Variants in CNTNAP5 observed in about 807,000 individuals in gnomAD.
CNTNAP5 encodes the protein contactin-associated protein-like 5.
CNTNAP5 carries 72 observed loss-of-function variants against 150.2 expected under a neutral mutation model. The ratio of observed to expected loss-of-function variants is 0.48; its 90% CI spans 0.40 to 0.58. The LOEUF (loss-of-function observed/expected upper bound fraction) is 0.58, where lower values mean the gene tolerates loss of function less well. CNTNAP5 is among the 20% of genes least tolerant of loss of function. The pLI, the probability that CNTNAP5 is intolerant of heterozygous loss-of-function variation, is 0.00. For missense variants in CNTNAP5, 1,636 were observed against 1,626.2 expected, an observed-to-expected ratio of 1.01 and a Z score of -0.10; for synonymous variants, 672 against 619.8, an observed-to-expected ratio of 1.08 and a Z score of -1.25.
At chr2:124,496,527 T>C (rs1214316569) in intron 7 of CNTNAP5, among the ~76,000 whole-genome samples, 1 of 152,156 alleles carries the variant, frequency 6.6e-6, no homozygotes, top group Non-Finnish European at 1.5e-5. Context: ...TAGATGATGA[T>C]TAAAAACAAA....
At chr2:124,764,190 A>C in intron 16 of CNTNAP5, 43 bp downstream of exon 16, 2 of 1,539,936 alleles carry the variant, frequency 1.3e-6, no homozygotes, top group Admixed American at 1.7e-5. Context: ...TGATCAACAA[A>C]CAAGTTTTAG....
At position 124,788,282 on chromosome 2, in the gene CNTNAP5, C is replaced by T. The variant is rs1573617808; in HGVS notation, c.2753-1620C>T. Among the ~76,000 whole-genome samples, 3 of 152,270 alleles carry T rather than the reference C, an allele frequency of 2.0e-5. No individual in the cohort carries two copies. In the East Asian group the frequency reaches 5.8e-4, roughly 29 times the overall value. On this transcript the variant is annotated intron_variant, in intron 17 of 23. Coordinates refer to ENST00000682447, the MANE Select transcript of CNTNAP5 (RefSeq NM_001367498.1). ...CTGGATTTCTGATGGGAACAAAACACTCTGAAATATTAAATCTGCCTGATT... is the reference window on the plus strand; with the variant it reads ...CTGGATTTCTGATGGGAACAAAACATTCTGAAATATTAAATCTGCCTGATT...
At chr2:124,780,439 C>A (rs573084535) in intron 17 of CNTNAP5, among the ~76,000 whole-genome samples, 1 of 152,200 alleles carries the variant, frequency 6.6e-6, no homozygotes, top group African/African-American at 2.4e-5. Flanking sequence ...TGTCTCCACA[C>A]ACTAGTGTAC....
chr2:124,828,202 C>A (rs2104677580), intron 19 of CNTNAP5, among the ~76,000 whole-genome samples: 1 of 152,232 alleles, frequency 6.6e-6, no homozygotes, highest in Middle Eastern at 3.4e-3. Context: ...ATGGTATTGG[C>A]CAGACGCGTT....
At chr2:124,237,418 C>T (rs1158722226) in intron 2 of CNTNAP5, among the ~76,000 whole-genome samples, 2 of 152,194 alleles carry the variant, frequency 1.3e-5, no homozygotes, top group African/African-American at 2.4e-5. Flanking sequence ...TTCATGCTTA[C>T]AGCCTACCCT....
chr2:124,183,459 A>T (rs1003838511), intron 1 of CNTNAP5, among the ~76,000 whole-genome samples: 2 of 152,194 alleles, frequency 1.3e-5, no homozygotes, highest in Non-Finnish European at 2.9e-5. Flanking sequence ...AATGAGATGT[A>T]TATTCAATGT....
intron 1 of CNTNAP5, among the ~76,000 whole-genome samples, chr2:124,109,792 C>T (rs148078626): frequency 1.2e-3 from 186 of 152,210 alleles, no homozygotes; most frequent in African/African-American, 4.2e-3. Context: ...AACAGAGATA[C>T]CAGGAAGAAA....
chr2:124,533,444 G>T (rs376570535), intron 10 of CNTNAP5, among the ~76,000 whole-genome samples: 18 of 152,178 alleles, frequency 1.2e-4, no homozygotes, highest in East Asian at 1.9e-4. Context: ...CCTGGTGGCC[G>T]TACTCTGAGA....
chr2:124,057,753 G>A (rs1386526114), intron 1 of CNTNAP5, among the ~76,000 whole-genome samples: 1 of 151,974 alleles, frequency 6.6e-6, no homozygotes, highest in African/African-American at 2.4e-5. Flanking sequence ...TGGTAACAGA[G>A]GCTGGGAAGG....
intron 7 of CNTNAP5, among the ~76,000 whole-genome samples, chr2:124,497,108 C>A (rs141723804): frequency 2.0e-5 from 3 of 152,158 alleles, no homozygotes; most frequent in African/African-American, 7.2e-5. Context: ...GGTCCTCACA[C>A]GCTTTTTATT....
intron 11 of CNTNAP5, among the ~76,000 whole-genome samples, chr2:124,608,550 C>T (rs1483297905): frequency 2.6e-5 from 4 of 152,060 alleles, no homozygotes; most frequent in South Asian, 4.1e-4. Flanking sequence ...TCTGTTGACA[C>T]GTATTAGGAA....
intron 3 of CNTNAP5, among the ~76,000 whole-genome samples, chr2:124,358,074 G>T: frequency 6.6e-6 from 1 of 152,164 alleles, no homozygotes; most frequent in Non-Finnish European, 1.5e-5. Flanking sequence ...AAGCAACTGT[G>T]AATGGGAGTT....
intron 3 of CNTNAP5, among the ~76,000 whole-genome samples, chr2:124,308,911 T>C (rs1182124345): frequency 1.2e-4 from 19 of 152,120 alleles, no homozygotes; most frequent in Admixed American, 1.2e-3. Context: ...AACTCACCAG[T>C]CAAGCTGCAC....
chr2:124,220,444 G>A (rs926332803), intron 1 of CNTNAP5, among the ~76,000 whole-genome samples: 1 of 152,028 alleles, frequency 6.6e-6, no homozygotes, highest in African/African-American at 2.4e-5. Flanking sequence ...CTTTATCAAA[G>A]GCTTGTTATG....
At chr2:124,157,667 G>A (rs1187881903) in intron 1 of CNTNAP5, among the ~76,000 whole-genome samples, 1 of 152,156 alleles carries the variant, frequency 6.6e-6, no homozygotes, top group Non-Finnish European at 1.5e-5. Flanking sequence ...TAACTTCTTT[G>A]TGCTTAATCA....
At chr2:124,477,060 G>A (rs1693658174) in intron 7 of CNTNAP5, among the ~76,000 whole-genome samples, 1 of 151,886 alleles carries the variant, frequency 6.6e-6, no homozygotes, top group Admixed American at 6.6e-5. Context: ...GATATTTTAG[G>A]TAAGTTTTAT....
intron 13 of CNTNAP5, among the ~76,000 whole-genome samples, chr2:124,713,285 CTTT>C (rs1679859599): frequency 4.8e-5 from 5 of 105,040 alleles, no homozygotes; most frequent in Admixed American, 1.0e-4. Context: ...TTCTTTCTTT[CTTT>C]CTTTCTTTCT....
At chr2:124,768,271 A>ATT (rs1174137589) in intron 16 of CNTNAP5, among the ~76,000 whole-genome samples, 1,688 of 131,286 alleles carry the variant, frequency 0.013, 40 homozygotes, top group African/African-American at 0.043. Flanking sequence ...TACTGTATGT[A>ATT]TGTGTGTGTG....
At chr2:124,294,376 C>T (rs1688371007) in intron 3 of CNTNAP5, among the ~76,000 whole-genome samples, 1 of 151,324 alleles carries the variant, frequency 6.6e-6, no homozygotes, top group Non-Finnish European at 1.5e-5. Context: ...TTTTAATCCT[C>T]AGGCTGGAGT....
Sources: allele counts gnomAD v4.1 joint callset (sites outside exome capture counted in the v4.1 genomes callset), GRCh38; gene constraint gnomAD v4.1.1; transcripts MANE v1.5; gene names NCBI Gene and HGNC (gene_info 2026-07-23, HGNC 2026-07-21).